The following LSAMP variants were observed in gnomAD, a reference collection of about 807,000 sequenced individuals.
The protein encoded by LSAMP is limbic system-associated membrane protein.
Under a neutral mutation model 38.6 loss-of-function variants are expected in LSAMP, and 7 were observed. That is an observed-to-expected ratio of 0.18 (90% CI 0.10 to 0.34). The LOEUF (loss-of-function observed/expected upper bound fraction) is 0.34. Ranked by LOEUF, LSAMP falls within the 10% of genes least tolerant of loss-of-function variation. LSAMP has a pLI of 1.00. For synonymous variants in LSAMP, 154 were observed against 166.8 expected, an observed-to-expected ratio of 0.92 and a Z score of 0.59; for missense variants, 313 against 420.0, an observed-to-expected ratio of 0.75 and a Z score of 2.23.
At chr3:116,364,184 G>C (rs62271414) in intron 1 of LSAMP, among the ~76,000 whole-genome samples, 1 of 56,418 alleles carries the variant, frequency 1.8e-5, no homozygotes, top group Non-Finnish European at 3.0e-5. Flanking sequence ...CAAAATCAGT[G>C]TACAAAAATC....
intron 1 of LSAMP, among the ~76,000 whole-genome samples, chr3:116,431,031 A>T (rs563389933): frequency 7.2e-5 from 11 of 151,946 alleles, no homozygotes; most frequent in Non-Finnish European, 1.3e-4. Context: ...TATAGTTTTC[A>T]TCCATATTTA....
At chr3:116,287,050 T>C (rs1242677316) in intron 1 of LSAMP, among the ~76,000 whole-genome samples, 1 of 152,140 alleles carries the variant, frequency 6.6e-6, no homozygotes, top group Non-Finnish European at 1.5e-5. Context: ...TAATAGCCAC[T>C]TATGGATATA....
At chr3:115,934,291 G>A (rs1388887127) in intron 3 of LSAMP, among the ~76,000 whole-genome samples, 1 of 151,526 alleles carries the variant, frequency 6.6e-6, no homozygotes, top group African/African-American at 2.4e-5. Flanking sequence ...CAATTCTCAA[G>A]CCTCCGCCTC....
chr3:116,354,845 ATGTGTGTG>A lies in LSAMP; in HGVS notation c.155+90024_155+90031del, dbSNP rs56975134. Among the ~76,000 whole-genome samples the A allele has an allele frequency of 2.2e-3, 318 of 146,424 alleles. 1 individual carries two copies. The highest frequency in any genetic ancestry group is 0.018 in the South Asian group (83 of 4,524). ...TCTGTCTCTCTCTCTGGGTGTATAT[ATGTGTGTG>A]TGTGTGTGTGTGTGTGTGTGTGTGT... On this transcript the variant is annotated intron_variant, in intron 1 of 6. Coordinates refer to ENST00000490035, the MANE Select transcript of LSAMP (RefSeq NM_002338.5).
intron 2 of LSAMP, among the ~76,000 whole-genome samples, chr3:116,069,095 T>C (rs1263539863): frequency 6.6e-6 from 1 of 152,178 alleles, no homozygotes; most frequent in East Asian, 1.9e-4. Flanking sequence ...CAGTTTCTAT[T>C]ACACTTAGAA....
rs564601800 is a variant in LSAMP at position 116,258,580 on chromosome 3, AC to A, written c.156-172025del. 1.4e-4 allele frequency among the ~76,000 whole-genome samples: 22 copies of A among 152,242 alleles called. 1 individual carries two copies. In the South Asian group the frequency reaches 3.9e-3, roughly 27 times the overall value. On this transcript the variant is annotated intron_variant, in intron 1 of 6. Coordinates refer to ENST00000490035, the MANE Select transcript of LSAMP (RefSeq NM_002338.5). ...AAAAGATGATCCTTTATAATTGTGT[AC>A]TATAATCAGGTGATGGAAATTTCTT...
intron 3 of LSAMP, among the ~76,000 whole-genome samples, chr3:115,977,195 T>C (rs968039533): frequency 6.6e-6 from 1 of 152,208 alleles, no homozygotes; most frequent in Non-Finnish European, 1.5e-5. Flanking sequence ...TTTACCTTTT[T>C]CAGTATGGCC....
intron 1 of LSAMP, among the ~76,000 whole-genome samples, chr3:116,277,253 G>GATA (rs1430430317): frequency 6.6e-6 from 1 of 152,170 alleles, no homozygotes; most frequent in Non-Finnish European, 1.5e-5. Context: ...TCTTGATTCA[G>GATA]ATAATTAGCT....
intron 3 of LSAMP, among the ~76,000 whole-genome samples, chr3:115,869,573 A>G (rs1935967061): frequency 6.6e-6 from 1 of 152,164 alleles, no homozygotes; most frequent in African/African-American, 2.4e-5. Context: ...TACCATTAAT[A>G]TTCATTACTT....
intron 1 of LSAMP, among the ~76,000 whole-genome samples, chr3:116,414,886 C>A (rs1392822761): frequency 6.6e-6 from 1 of 152,054 alleles, no homozygotes; most frequent in Non-Finnish European, 1.5e-5. Flanking sequence ...GTTTCTCTTT[C>A]CTACAGGCCC....
intron 1 of LSAMP, among the ~76,000 whole-genome samples, chr3:116,410,860 C>T (rs1178752532): frequency 6.6e-6 from 1 of 152,062 alleles, no homozygotes; most frequent in Non-Finnish European, 1.5e-5. Flanking sequence ...GGCTTTTTCA[C>T]TTTTTCATAG....
chr3:116,436,375 G>A (rs185365247), intron 1 of LSAMP, among the ~76,000 whole-genome samples: 11 of 152,272 alleles, frequency 7.2e-5, no homozygotes, highest in African/African-American at 2.4e-4. Flanking sequence ...AAAGAGCTTT[G>A]CACAGCAAAA....
At chr3:116,410,643 G>A (rs1310599096) in intron 1 of LSAMP, among the ~76,000 whole-genome samples, 2 of 152,020 alleles carry the variant, frequency 1.3e-5, no homozygotes, top group Non-Finnish European at 2.9e-5. Context: ...AGTACACAAT[G>A]GTTGTCCTTT....
chr3:116,373,828 G>A (rs866147794), intron 1 of LSAMP, among the ~76,000 whole-genome samples: 42 of 151,808 alleles, frequency 2.8e-4, no homozygotes, highest in African/African-American at 9.9e-4. Context: ...ACACCCCAAA[G>A]CAATAGTCTA....
intron 4 of LSAMP, among the ~76,000 whole-genome samples, chr3:115,850,050 T>C (rs1434466134): frequency 1.3e-5 from 2 of 152,254 alleles, no homozygotes; most frequent in Non-Finnish European, 2.9e-5. Context: ...ATTATAGTTT[T>C]CCATATAATT....
rs73860550 is a variant in LSAMP, at chr3:115,985,967, C to T, written c.514+33548G>A. On this transcript the variant is annotated intron_variant, in intron 3 of 6. Transcript: ENST00000490035. ...TGTTTCAAGCTGCTAACTTTTCGAT[C>T]GATTTGTTACCCAACAATATATAAC... 3.6e-3 allele frequency among the ~76,000 whole-genome samples: 552 copies of T among 152,138 alleles called. 5 individuals carry two copies. Among genetic ancestry groups the T allele is most frequent in the African/African-American group, 0.013 (540 of 41,504 alleles).
chr3:115,847,248 A>G (rs1054988116), intron 4 of LSAMP, among the ~76,000 whole-genome samples: 1 of 152,126 alleles, frequency 6.6e-6, no homozygotes, highest in African/African-American at 2.4e-5. Context: ...TGGGGATGAT[A>G]TAGTTGGTCT....
chr3:116,341,613 G>T (rs2047996042), intron 1 of LSAMP, among the ~76,000 whole-genome samples: 1 of 152,014 alleles, frequency 6.6e-6, no homozygotes, highest in Admixed American at 6.6e-5. Context: ...GAGTGGTAAT[G>T]CTGAAAAAAG....
chr3:116,000,576 A>G (rs897430319), intron 3 of LSAMP, among the ~76,000 whole-genome samples: 1 of 152,202 alleles, frequency 6.6e-6, no homozygotes, highest in African/African-American at 2.4e-5. Flanking sequence ...AAAGAACTCA[A>G]CATTAGCTTA....
Sources: gnomAD v4.1 joint callset for allele counts (sites outside exome capture counted in the v4.1 genomes callset) on GRCh38, gnomAD v4.1.1 for gene constraint, MANE v1.5 for transcripts, NCBI Gene and HGNC (gene_info 2026-07-23, HGNC 2026-07-21) for gene names.